RAB38: variants seen among roughly 807,000 people sequenced by gnomAD.
The protein encoded by RAB38 is RAB38, member RAS oncogene family, also known as ras-related protein Rab-38.
RAB38 carries 15 observed loss-of-function variants against 18.4 expected under a neutral mutation model. The observed-to-expected ratio is 0.82, with a 90% CI of 0.55 to 1.26. The LOEUF (loss-of-function observed/expected upper bound fraction) is 1.26. RAB38 is among the 50% of genes most tolerant of loss of function. The probability of loss-of-function intolerance (pLI) is 0.00; values close to 1 mark genes in which losing one functional copy is unlikely to be tolerated. For synonymous variants in RAB38, 101 were observed against 104.4 expected, an observed-to-expected ratio of 0.97 and a Z score of 0.20; for missense variants, 294 against 267.4, an observed-to-expected ratio of 1.10 and a Z score of -0.69.
the RAB38 span, among the ~76,000 whole-genome samples, chr11:87,959,892 G>A: frequency 2.0e-5 from 3 of 152,030 alleles, no homozygotes; most frequent in Non-Finnish European, 4.4e-5. Context: ...AACTTACTCT[G>A]GGCTACCTTC....
chr11:87,888,579 A>G, the RAB38 span, among the ~76,000 whole-genome samples: 2 of 151,906 alleles, frequency 1.3e-5, no homozygotes, highest in African/African-American at 2.4e-5. Context: ...AGCATCATTT[A>G]TGTACTAATC....
chr11:87,830,512 T>A, the RAB38 span, among the ~76,000 whole-genome samples: 1 of 151,712 alleles, frequency 6.6e-6, no homozygotes. Flanking sequence ...AGCCTAATAA[T>A]GGATAATGTT....
At chr11:87,976,075 C>A in the RAB38 span, among the ~76,000 whole-genome samples, 1 of 149,938 alleles carries the variant, frequency 6.7e-6, no homozygotes, top group Non-Finnish European at 1.5e-5. Flanking sequence ...AAAAAATTTC[C>A]CCCTCAAAAA....
the RAB38 span, among the ~76,000 whole-genome samples, chr11:88,085,305 A>C: frequency 6.6e-6 from 1 of 151,904 alleles, no homozygotes; most frequent in Non-Finnish European, 1.5e-5. Context: ...AAGCTCAAGA[A>C]GTTCATAGAA....
the RAB38 span, among the ~76,000 whole-genome samples, chr11:87,924,032 G>GACAC: frequency 4.7e-5 from 7 of 148,900 alleles, no homozygotes; most frequent in South Asian, 4.3e-4. Flanking sequence ...AGTAAATACA[G>GACAC]ACACACACAC....
At chr11:87,949,682 C>G in the RAB38 span, among the ~76,000 whole-genome samples, 1 of 152,284 alleles carries the variant, frequency 6.6e-6, no homozygotes, top group South Asian at 2.1e-4. Flanking sequence ...TGTTCAGTTT[C>G]CATGTAGTTG....
At chr11:87,965,555 T>C in the RAB38 span, among the ~76,000 whole-genome samples, 3 of 152,190 alleles carry the variant, frequency 2.0e-5, no homozygotes, top group Non-Finnish European at 2.9e-5. Flanking sequence ...TTAGGGTTTA[T>C]AGGGTCAGGC....
chr11:87,977,209 A>T, the RAB38 span, among the ~76,000 whole-genome samples: 115 of 628 alleles, frequency 0.18, 42 homozygotes, highest in Admixed American at 0.35. Context: ...TATACAAGTA[A>T]ATTATAAAAT....
chr11:87,861,486 G>A, the RAB38 span, among the ~76,000 whole-genome samples: 1 of 151,872 alleles, frequency 6.6e-6, no homozygotes, highest in Non-Finnish European at 1.5e-5. Context: ...GCTACCAACA[G>A]GTGAAAGTGG....
chr11:88,163,022 T>TC (rs928572203), intron 1 of RAB38, among the ~76,000 whole-genome samples: 1 of 152,114 alleles, frequency 6.6e-6, no homozygotes, highest in African/African-American at 2.4e-5. Flanking sequence ...CACACTCATC[T>TC]CTTCACTCTT....
chr11:88,158,398 G>A (rs2386577), intron 1 of RAB38, among the ~76,000 whole-genome samples: 37,860 of 151,760 alleles, frequency 0.25, 4,752 homozygotes, highest in Admixed American at 0.27. Context: ...CAAAAAATCA[G>A]GAAGCGTCTC....
At chr11:88,126,197 G>C (rs755387779) in intron 2 of RAB38, among the ~76,000 whole-genome samples, 1 of 152,054 alleles carries the variant, frequency 6.6e-6, no homozygotes, top group Non-Finnish European at 1.5e-5. Flanking sequence ...TTGGCAATGC[G>C]GGCTCTTTTT....
At chr11:88,052,935 T>TATATATATATATATA in the RAB38 span, among the ~76,000 whole-genome samples, 2 of 85,790 alleles carry the variant, frequency 2.3e-5, no homozygotes, top group Admixed American at 1.8e-4. Context: ...TATATATATA[T>TATATATATATATATA]ATATATATAA....
At chr11:87,843,960 A>G in the RAB38 span, among the ~76,000 whole-genome samples, 1 of 152,188 alleles carries the variant, frequency 6.6e-6, no homozygotes. Flanking sequence ...TGGAGATACT[A>G]TCATGTTTTC....
the RAB38 span, among the ~76,000 whole-genome samples, chr11:88,080,736 C>T: frequency 1.3e-5 from 2 of 151,722 alleles, no homozygotes; most frequent in South Asian, 4.2e-4. Flanking sequence ...TAGCACCTCG[C>T]CCCTGATACC....
At chr11:88,057,489 A>C in the RAB38 span, among the ~76,000 whole-genome samples, 1 of 152,062 alleles carries the variant, frequency 6.6e-6, no homozygotes, top group African/African-American at 2.4e-5. Flanking sequence ...GGGAAAATGC[A>C]CCTATCTTGT....
chr11:87,946,597 G>A, the RAB38 span, among the ~76,000 whole-genome samples: 6 of 151,338 alleles, frequency 4.0e-5, no homozygotes, highest in East Asian at 3.9e-4. Flanking sequence ...GTGTCCATGT[G>A]TTCTCATTGT....
At chr11:88,103,227 ACT>A in the RAB38 span, among the ~76,000 whole-genome samples, 2 of 151,846 alleles carry the variant, frequency 1.3e-5, no homozygotes, top group Non-Finnish European at 2.9e-5. Context: ...ATGAATTAAG[ACT>A]CTGAGACATA....
chr11:87,857,305 A>G, the RAB38 span, among the ~76,000 whole-genome samples: 5 of 152,148 alleles, frequency 3.3e-5, no homozygotes, highest in South Asian at 4.1e-4. Flanking sequence ...GCTATTGTGA[A>G]TAGTGCCGCA....
Sources: allele counts gnomAD v4.1 joint callset (sites outside exome capture counted in the v4.1 genomes callset), GRCh38; gene constraint gnomAD v4.1.1; transcripts MANE v1.5; gene names NCBI Gene and HGNC (gene_info 2026-07-23, HGNC 2026-07-21).